FNBP1: variants seen among roughly 807,000 people sequenced by gnomAD.
FNBP1 encodes formin-binding protein 1.
Under a neutral mutation model 90.6 loss-of-function variants are expected in FNBP1, and 26 were observed. The ratio of observed to expected loss-of-function variants is 0.29; its 90% CI spans 0.21 to 0.40. FNBP1 has a LOEUF of 0.40. Ranked by LOEUF, FNBP1 falls within the 10% of genes least tolerant of loss-of-function variation. The pLI is 1.00. For missense variants in FNBP1, 635 were observed against 768.0 expected (o/e 0.83, Z 2.05); for synonymous variants, 260 against 265.2 (o/e 0.98, Z 0.19).
chr9:130,033,969 T>C (rs369278069), intron 1 of FNBP1, among the ~76,000 whole-genome samples: 73 of 148,148 alleles, frequency 4.9e-4, no homozygotes, highest in African/African-American at 1.8e-3. Context: ...TGAGCAGAGA[T>C]TGCGCCACCG....
chr9:129,894,849 C>T (rs934770582), intron 16 of FNBP1, among the ~76,000 whole-genome samples: 5 of 152,190 alleles, frequency 3.3e-5, no homozygotes, highest in African/African-American at 1.2e-4. Context: ...CACTTGAGGT[C>T]AGGAGTTTGA....
chr9:129,908,205 T>TC (rs1491588004), intron 12 of FNBP1, among the ~76,000 whole-genome samples: 1,871 of 11,000 alleles, frequency 0.17, 18 homozygotes, highest in East Asian at 0.33. Flanking sequence ...TCTCTCTCTC[T>TC]TTTTTTTTTT....
intron 4 of FNBP1, among the ~76,000 whole-genome samples, chr9:129,974,867 AAAAG>A (rs1453129913): frequency 9.2e-5 from 14 of 151,944 alleles, no homozygotes; most frequent in Admixed American, 5.3e-4. Context: ...AGAAAAAAAA[AAAAG>A]AAAGAAAGAA....
intron 6 of FNBP1, among the ~76,000 whole-genome samples, chr9:129,939,471 G>C (rs1439822261): frequency 6.6e-6 from 1 of 151,860 alleles, no homozygotes; most frequent in African/African-American, 2.4e-5. Flanking sequence ...AAGACTATAA[G>C]CCCTTCCTGC....
rs535311001 is a variant in FNBP1, at chr9:129,927,282, A to C, written c.702T>G (p.Tyr234Ter). 2.5e-6 allele frequency: 4 copies of C among 1,613,644 alleles called. No homozygotes were observed. The highest frequency in any genetic ancestry group is 3.4e-6 in the Non-Finnish European group (4 of 1,179,568). The change falls in exon 8 of 17, where the codon TAT becomes TAG. Residue 234 changes from tyrosine (Y) to a stop codon, truncating the protein, a stop_gained. Coordinates refer to ENST00000446176, the MANE Select transcript of FNBP1 (RefSeq NM_015033.3). LOFTEE classifies it high-confidence loss of function. ...GGATCACCTGCCGATCAACCTCTGC[A>C]TATGTCTTCATGGACTCTCCCATTC... ...IVRMGESMKT[Y>*]AEVDRQVIPI...
chr9:129,946,684 T>G (rs142876805), intron 6 of FNBP1, among the ~76,000 whole-genome samples: 53 of 152,310 alleles, frequency 3.5e-4, no homozygotes, highest in African/African-American at 1.3e-3. Context: ...TTAAAAAACA[T>G]AACTTGAACT....
chr9:130,036,771 C>A (rs1003940219), intron 1 of FNBP1, among the ~76,000 whole-genome samples: 1 of 152,134 alleles, frequency 6.6e-6, no homozygotes, highest in Admixed American at 6.6e-5. Context: ...GTAGGCCGGG[C>A]GCAGTGGCTC....
At chr9:129,973,782 C>A (rs1386492209) in intron 4 of FNBP1, among the ~76,000 whole-genome samples, 1 of 150,580 alleles carries the variant, frequency 6.6e-6, no homozygotes, top group Admixed American at 6.6e-5. Context: ...GGATTACAGG[C>A]ATGAGCCACC....
At chr9:129,995,403 T>C (rs1177274269) in intron 1 of FNBP1, among the ~76,000 whole-genome samples, 1 of 152,128 alleles carries the variant, frequency 6.6e-6, no homozygotes, top group East Asian at 1.9e-4. Flanking sequence ...TTTCTTCAAA[T>C]GATTAAAATA....
rs533409555 is a variant in FNBP1 at position 129,889,076 on chromosome 9, C to T, written c.*1463G>A. 0.059 allele frequency: 322 copies of T among 5,490 alleles called. 1 individual carries two copies. The highest frequency in any genetic ancestry group is 0.17 in the African/African-American group (189 of 1,130). The allele number at this position is 5,490 out of a possible 1,614,324, so 0.3% of individuals were successfully genotyped here. A position where few individuals can be genotyped will look rare whatever the true frequency, so the allele number is the denominator to read the frequency against. On this transcript the variant is annotated 3_prime_UTR_variant, in exon 17 of 17. Coordinates refer to ENST00000446176, the MANE Select transcript of FNBP1 (RefSeq NM_015033.3). ...GAGGAGGGGCTGCTCTGCTCTAAGG[C>T]GTGGCGGGGGGGGGGGGTGGTGGCC...
intron 4 of FNBP1, among the ~76,000 whole-genome samples, chr9:129,959,561 C>G (rs1179242185): frequency 6.6e-6 from 1 of 152,024 alleles, no homozygotes; most frequent in Non-Finnish European, 1.5e-5. Flanking sequence ...TGCACTCCAG[C>G]TCTGGGCAAC....
chr9:129,947,981 AT>A lies in FNBP1; in HGVS notation c.513+9378del, dbSNP rs139053320. On this transcript the variant is annotated intron_variant, in intron 6 of 16. Transcript: ENST00000446176. ...CATAATTCTACTAGAATTCCCTTAA[AT>A]TTAAAAAAAAAAAAAAAAGGAGGGG... Among the ~76,000 whole-genome samples the A allele has an allele frequency of 7.9e-4, 117 of 148,088 alleles. 1 individual carries two copies. The highest frequency in any genetic ancestry group is 3.5e-3 in the Middle Eastern group (1 of 288).
At position 130,042,414 on chromosome 9, in the gene FNBP1, G is replaced by A. The variant is rs868303295; in HGVS notation, c.24+538C>T. On this transcript the variant is annotated intron_variant, in intron 1 of 16. Coordinates refer to ENST00000446176, the MANE Select transcript of FNBP1 (RefSeq NM_015033.3). This position sits in a 1 kb window ranked among gnomAD's most constrained non-coding sequence, Gnocchi z 5.5. ...CGGGCCAGAAGTCCTCGCCTCCAGA[G>A]CGAAGACCGCACTCTCGCCCCAGCA... 2.1e-4 allele frequency among the ~76,000 whole-genome samples: 32 copies of A among 152,160 alleles called. No individual in the cohort carries two copies. Among genetic ancestry groups the A allele is most frequent in the African/African-American group, 7.7e-4 (32 of 41,536 alleles).
intron 1 of FNBP1, among the ~76,000 whole-genome samples, chr9:130,009,960 CAG>C (rs767509874): frequency 1.0e-4 from 13 of 123,836 alleles, no homozygotes; most frequent in Non-Finnish European, 1.9e-4. Flanking sequence ...GCCTGGGTGA[CAG>C]AGCAAGACCC....
At chr9:129,943,817 C>T (rs2044727886) in intron 6 of FNBP1, among the ~76,000 whole-genome samples, 1 of 151,472 alleles carries the variant, frequency 6.6e-6, no homozygotes, top group Non-Finnish European at 1.5e-5. Flanking sequence ...ACGGTGAAAC[C>T]CTGTCTCTAC....
At chr9:129,972,497 T>TCACAGAAG (rs2049622710) in intron 4 of FNBP1, among the ~76,000 whole-genome samples, 1 of 151,836 alleles carries the variant, frequency 6.6e-6, no homozygotes, top group East Asian at 1.9e-4. Context: ...GTATGACACC[T>TCACAGAAG]GCTCACAGAA....
At chr9:130,024,985 G>C (rs1256782425) in intron 1 of FNBP1, among the ~76,000 whole-genome samples, 1 of 152,072 alleles carries the variant, frequency 6.6e-6, no homozygotes, top group Non-Finnish European at 1.5e-5. Flanking sequence ...TTTGAGACCA[G>C]CCTGGCCAAC....
Position 129,957,937 on chromosome 9 carries a change from C to T in FNBP1, c.409-473G>A, listed in dbSNP as rs370256579. On this transcript the variant is annotated intron_variant, in intron 5 of 16. Coordinates refer to ENST00000446176, the MANE Select transcript of FNBP1 (RefSeq NM_015033.3). The surrounding 1 kb of genome is among the most constrained non-coding windows in gnomAD (Gnocchi z 4.3). Reference sequence around the variant, plus strand: ...AAATCTGCATTTATTTCCATCAAAACTGTCTAATCTTTATTATTTCCACGT... The same window carrying T: ...AAATCTGCATTTATTTCCATCAAAATTGTCTAATCTTTATTATTTCCACGT... Among the ~76,000 whole-genome samples the T allele has an allele frequency of 8.5e-5, 13 of 152,276 alleles. No homozygotes were observed. The East Asian group carries it at 2.5e-3, about 29-fold the overall frequency.
At chr9:130,022,458 C>T (rs565020502) in intron 1 of FNBP1, among the ~76,000 whole-genome samples, 3 of 152,212 alleles carry the variant, frequency 2.0e-5, no homozygotes, top group African/African-American at 7.2e-5. Context: ...CCACCCACCT[C>T]GGCCTTCCGA....
Sources: allele counts gnomAD v4.1 joint callset (sites outside exome capture counted in the v4.1 genomes callset), GRCh38; gene constraint gnomAD v4.1.1; non-coding constraint Gnocchi (gnomAD v3.1); transcripts MANE v1.5; gene names NCBI Gene and HGNC (gene_info 2026-07-23, HGNC 2026-07-21).